Variants in PTBP2 observed in about 807,000 individuals in gnomAD.
PTBP2 encodes the protein polypyrimidine tract-binding protein 2.
A neutral mutation model predicts 61.4 loss-of-function variants in PTBP2; 13 were observed. The ratio of observed to expected loss-of-function variants is 0.21; its 90% confidence interval spans 0.14 to 0.34. The LOEUF (loss-of-function observed/expected upper bound fraction) is 0.34. PTBP2 is among the 10% of genes least tolerant of loss of function. PTBP2 has a pLI of 1.00. For synonymous variants in PTBP2, 215 were observed against 218.5 expected (o/e 0.98, Z 0.14); for missense variants, 405 against 642.6 (o/e 0.63, Z 4.00).
intron 2 of PTBP2, among the ~76,000 whole-genome samples, chr1:96,749,077 G>GAAA (rs1654203267): frequency 6.6e-6 from 1 of 151,956 alleles, no homozygotes. Context: ...ATCATTTGAG[G>GAAA]AAGAAAAAAG....
chr1:96,782,110 G>A (rs1658741932), intron 7 of PTBP2, among the ~76,000 whole-genome samples: 1 of 151,890 alleles, frequency 6.6e-6, no homozygotes, highest in Non-Finnish European at 1.5e-5. Context: ...ACATAAGTAG[G>A]AAATGGTTCT....
intron 8 of PTBP2, among the ~76,000 whole-genome samples, chr1:96,803,968 A>T (rs770260683): frequency 1.3e-5 from 2 of 152,180 alleles, no homozygotes; most frequent in Non-Finnish European, 2.9e-5. Flanking sequence ...TTGATTGGTA[A>T]TTGAAAAGTA....
intron 2 of PTBP2, among the ~76,000 whole-genome samples, chr1:96,742,429 G>A (rs1653159529): frequency 6.6e-6 from 1 of 152,104 alleles, no homozygotes; most frequent in South Asian, 2.1e-4. Flanking sequence ...GAATTGTATA[G>A]CATTTTTGAA....
chr1:96,777,858 T>C lies in PTBP2; in HGVS notation c.620T>C (p.Val207Ala). ...LHQIFSKFGA[V>A]LKIITFTKNN... ...CAGATATTTTCTAAGTTTGGTGCTGTATTGAAGATAATCACATTTACAAAA... is the reference window on the plus strand; with the variant it reads ...CAGATATTTTCTAAGTTTGGTGCTGCATTGAAGATAATCACATTTACAAAA... Residue 207 changes from valine (V) to alanine (A), a missense_variant, in exon 7 of 14, where the codon GTA becomes GCA. Physicochemically the swap from Val to Ala is moderately conservative, Grantham distance 64 (BLOSUM62 0). Coordinates refer to ENST00000674951, the MANE Select transcript of PTBP2 (RefSeq NM_021190.4). The C allele has an allele frequency of 6.3e-7, 1 of 1,583,768 alleles. No individual in the cohort carries two copies. The highest frequency in any genetic ancestry group is 8.6e-7 in the Non-Finnish European group (1 of 1,162,082).
At chr1:96,778,096 C>G in intron 7 of PTBP2, 150 bp downstream of exon 7, 1 of 338,564 alleles carries the variant, frequency 3.0e-6, no homozygotes, top group Non-Finnish European at 5.4e-6. Context: ...TAATATTTGT[C>G]ATAAAAGAAA....
rs202210755 is a variant in PTBP2, at chr1:96,739,388, A to G, written c.40-12037A>G. Among the ~76,000 whole-genome samples, 3 of 152,098 alleles carry G rather than the reference A, an allele frequency of 2.0e-5. No individual in the cohort carries two copies. The East Asian group carries it at 5.8e-4, about 29-fold the overall frequency. Reference sequence around the variant, plus strand: ...TTAATTATTCTTATACGTACTTAATAATATTACATTGCAAAACCCATCTCC... The same window carrying G: ...TTAATTATTCTTATACGTACTTAATGATATTACATTGCAAAACCCATCTCC... On this transcript the variant is annotated intron_variant, in intron 2 of 13. Coordinates refer to ENST00000674951, the MANE Select transcript of PTBP2 (RefSeq NM_021190.4).
chr1:96,727,282 T>C (rs1292386696), intron 2 of PTBP2, among the ~76,000 whole-genome samples: 10 of 152,216 alleles, frequency 6.6e-5, no homozygotes, highest in Non-Finnish European at 7.3e-5. Flanking sequence ...ATACAGCAAT[T>C]TGTTAATCCA....
At position 96,769,813 on chromosome 1, in the gene PTBP2, A is replaced by G. The variant is rs1301072102; in HGVS notation, c.226A>G (p.Ile76Val). 1.2e-6 allele frequency: 2 copies of G among 1,612,168 alleles called. No individual in the cohort carries two copies. Among genetic ancestry groups the G allele is most frequent in the Non-Finnish European group, 1.7e-6 (2 of 1,178,928 alleles). The change falls in exon 4 of 14, where the codon ATT (isoleucine) becomes GTT (valine). Residue 76 changes from isoleucine (I) to valine (V), a missense_variant. By Grantham distance (29) the Ile-to-Val change is conservative. Transcript: ENST00000674951. ...TGGGGAAGTAACAGAAACTGAAGTT[A>G]TTGCTTTAGGCTTACCTTTTGGTAA... ...LPGEVTETEV[I>V]ALGLPFGKVT...
intron 2 of PTBP2, among the ~76,000 whole-genome samples, chr1:96,737,262 G>A (rs1165955183): frequency 6.6e-6 from 1 of 152,066 alleles, no homozygotes; most frequent in African/African-American, 2.4e-5. Flanking sequence ...CACTGCGACC[G>A]GCCCACTTTT....
At chr1:96,768,105 A>G (rs772128702) in intron 3 of PTBP2, among the ~76,000 whole-genome samples, 40 of 152,056 alleles carry the variant, frequency 2.6e-4, no homozygotes, top group African/African-American at 8.9e-4. Context: ...ACTACTATCA[A>G]TCTTCCAGTC....
chr1:96,723,322 G>C (rs1649897931), intron 1 of PTBP2, among the ~76,000 whole-genome samples: 1 of 152,090 alleles, frequency 6.6e-6, no homozygotes, highest in African/African-American at 2.4e-5. Context: ...GTTCTTTTTG[G>C]CTATTGAATG....
intron 3 of PTBP2, among the ~76,000 whole-genome samples, chr1:96,762,630 G>A (rs1337004054): frequency 4.8e-5 from 7 of 144,614 alleles, no homozygotes; most frequent in Middle Eastern, 3.5e-3. Flanking sequence ...GGGCAGAGGC[G>A]CCCCTCACCT....
rs371422122 is a variant in PTBP2, at chr1:96,729,938, A to G, written c.39+6344A>G. On this transcript the variant is annotated intron_variant, in intron 2 of 13. Coordinates refer to ENST00000674951, the MANE Select transcript of PTBP2 (RefSeq NM_021190.4). Reference sequence around the variant, plus strand: ...TTTTTAGTAGAGACGGGGTTTCACTATGTTGGCCAGGTTGGTCTCGAACTT... The same window carrying G: ...TTTTTAGTAGAGACGGGGTTTCACTGTGTTGGCCAGGTTGGTCTCGAACTT... 2.2e-4 allele frequency among the ~76,000 whole-genome samples: 33 copies of G among 152,002 alleles called. No homozygotes were observed. In the South Asian group the frequency reaches 4.6e-3, roughly 21 times the overall value.
intron 8 of PTBP2, among the ~76,000 whole-genome samples, chr1:96,792,649 C>G (rs1312566127): frequency 6.6e-6 from 1 of 151,714 alleles, no homozygotes; most frequent in African/African-American, 2.4e-5. Context: ...AGTATTTAGC[C>G]TGATTATCTT....
rs111835268 is a variant in PTBP2, at chr1:96,807,494, C to T, written c.1171+536C>T. Among the ~76,000 whole-genome samples, 898 of 152,258 alleles carry T rather than the reference C, an allele frequency of 5.9e-3. 4 individuals carry two copies. Among genetic ancestry groups the T allele is most frequent in the African/African-American group, 0.02 (818 of 41,554 alleles). On this transcript the variant is annotated intron_variant, in intron 11 of 13. Transcript: ENST00000674951. ...TTGATTATTTTAATTAAACTTATGT[C>T]GTTTGACTTCATACATCCTCGAATA...
At chr1:96,813,152 T>A in intron 13 of PTBP2, 46 bp downstream of exon 13, 2 of 1,558,886 alleles carry the variant, frequency 1.3e-6, no homozygotes, top group Middle Eastern at 1.7e-4. Flanking sequence ...GATAAAATTT[T>A]TAAGTAGTTT....
intron 3 of PTBP2, among the ~76,000 whole-genome samples, chr1:96,753,000 C>T (rs770903311): frequency 3.3e-5 from 5 of 151,982 alleles, no homozygotes; most frequent in Admixed American, 6.5e-5. Context: ...CTGAAGAGAC[C>T]AAGAGTGGGT....
intron 5 of PTBP2, among the ~76,000 whole-genome samples, chr1:96,773,122 T>TAAAAAAA (rs1657580635): frequency 2.2e-5 from 1 of 45,070 alleles, no homozygotes. Context: ...AGACTCTATC[T>TAAAAAAA]CAAAAAAAAA....
At chr1:96,791,989 A>T (rs1659891074) in intron 8 of PTBP2, among the ~76,000 whole-genome samples, 1 of 151,064 alleles carries the variant, frequency 6.6e-6, no homozygotes, top group Admixed American at 6.6e-5. Flanking sequence ...GCACGCCACC[A>T]CGCCCAGCTA....
Sources: gnomAD v4.1 joint callset for allele counts (sites outside exome capture counted in the v4.1 genomes callset) on GRCh38, gnomAD v4.1.1 for gene constraint, MANE v1.5 for transcripts, NCBI Gene and HGNC (gene_info 2026-07-23, HGNC 2026-07-21) for gene names.